Variants in PYM1 observed in about 807,000 individuals in gnomAD.
The protein encoded by PYM1 is PYM1 exon junction complex associated factor.
A neutral mutation model predicts 20.7 loss-of-function variants in PYM1; 7 were observed. The ratio of observed to expected loss-of-function variants is 0.34; its 90% CI spans 0.19 to 0.64. The LOEUF is 0.64. Ranked by LOEUF, PYM1 falls within the 30% of genes least tolerant of loss-of-function variation. The probability of loss-of-function intolerance (pLI) is 0.74; values close to 1 mark genes in which losing one functional copy is unlikely to be tolerated. For synonymous variants in PYM1, 100 were observed against 99.2 expected (o/e 1.01, Z -0.05); for missense variants, 194 against 250.0 (o/e 0.78, Z 1.51).
intron 1 of PYM1, among the ~76,000 whole-genome samples, chr12:55,915,067 T>C (rs1882982606): frequency 6.6e-6 from 1 of 151,700 alleles, no homozygotes; most frequent in African/African-American, 2.4e-5. Flanking sequence ...TAGAAAAAAT[T>C]AGCCGGGCAT....
At chr12:55,911,341 A>C (rs1334928008) in intron 1 of PYM1, among the ~76,000 whole-genome samples, 1 of 151,666 alleles carries the variant, frequency 6.6e-6, no homozygotes, top group Non-Finnish European at 1.5e-5. Context: ...TGAACTCCTG[A>C]CCTCATGTGA....
chr12:55,923,061 C>T (rs1883127378), intron 1 of PYM1, among the ~76,000 whole-genome samples: 1 of 151,824 alleles, frequency 6.6e-6, no homozygotes, highest in Non-Finnish European at 1.5e-5. Flanking sequence ...CCCATCTCTA[C>T]TAAAAATACA....
At chr12:55,924,821 C>A (rs1466942146) in intron 1 of PYM1, among the ~76,000 whole-genome samples, 2 of 152,078 alleles carry the variant, frequency 1.3e-5, no homozygotes, top group African/African-American at 4.8e-5. Flanking sequence ...AGATGACAGG[C>A]CCACGCCACC....
intron 1 of PYM1, among the ~76,000 whole-genome samples, chr12:55,904,282 T>C (rs1438213573): frequency 3.3e-5 from 5 of 150,350 alleles, no homozygotes; most frequent in Admixed American, 3.3e-4. Context: ...AGGGTATTCG[T>C]TGATGCATGA....
chr12:55,903,088 T>A (rs1882725193), intron 2 of PYM1, among the ~76,000 whole-genome samples: 1 of 152,152 alleles, frequency 6.6e-6, no homozygotes, highest in African/African-American at 2.4e-5. Context: ...TGACCACCTT[T>A]CTCTCTTTAT....
intron 1 of PYM1, among the ~76,000 whole-genome samples, chr12:55,909,008 A>G (rs1289193675): frequency 6.6e-6 from 1 of 152,164 alleles, no homozygotes; most frequent in Non-Finnish European, 1.5e-5. Flanking sequence ...GGGAACAGAA[A>G]GTTGAGAGGT....
Position 55,902,290 on chromosome 12 carries a change from T to C in PYM1, c.197A>G (p.Glu66Gly). The change falls in exon 3 of 3, where the codon GAG (glutamate) becomes GGG (glycine). Residue 66 changes from glutamate (E) to glycine (G), a missense_variant. Glu to Gly is a moderately conservative substitution (Grantham distance 98). This residue lies in a region of PYM1 where 158 missense variants were observed against 179.0 expected (regional missense o/e 0.88). Coordinates refer to ENST00000408946, the MANE Select transcript of PYM1 (RefSeq NM_032345.3). ...GGATGGGGTGACAGGAGCAGTGGCC[T>C]CAGGGCTTAGCCCTGGGGGCAACTC... is the stretch of plus-strand genomic sequence containing the variant. ...KPELPPGLSP[E>G]ATAPVTPSRP... 1 of 1,614,200 alleles carries C rather than the reference T, an allele frequency of 6.2e-7. No homozygotes were observed. The highest frequency in any genetic ancestry group is 1.3e-5 in the African/African-American group (1 of 75,066).
chr12:55,920,775 T>C (rs1013656369), intron 1 of PYM1, among the ~76,000 whole-genome samples: 1 of 152,034 alleles, frequency 6.6e-6, no homozygotes. Context: ...GAAAGTAAGA[T>C]AGGGTGCATG....
intron 1 of PYM1, among the ~76,000 whole-genome samples, chr12:55,921,513 A>T (rs1883097064): frequency 6.6e-6 from 1 of 152,128 alleles, no homozygotes; most frequent in South Asian, 2.1e-4. Context: ...TCATAAAAAA[A>T]TAAAACTCCC....
intron 1 of PYM1, among the ~76,000 whole-genome samples, chr12:55,916,806 A>G (rs1204895665): frequency 6.6e-6 from 1 of 152,048 alleles, no homozygotes; most frequent in Non-Finnish European, 1.5e-5. Context: ...GTCTCAAAAA[A>G]AGAAAAAAAG....
At chr12:55,916,585 G>T (rs1319721302) in intron 1 of PYM1, among the ~76,000 whole-genome samples, 1 of 151,868 alleles carries the variant, frequency 6.6e-6, no homozygotes, top group Non-Finnish European at 1.5e-5. Context: ...ATCACCTGAG[G>T]TCAGGAGTTC....
chr12:55,923,115 C>G (rs1484225678), intron 1 of PYM1, among the ~76,000 whole-genome samples: 2 of 151,634 alleles, frequency 1.3e-5, no homozygotes, highest in African/African-American at 4.8e-5. Flanking sequence ...TCCCAGCTAC[C>G]CAGGAGGCTG....
chr12:55,918,072 G>A (rs1055717381), intron 1 of PYM1, among the ~76,000 whole-genome samples: 2 of 151,248 alleles, frequency 1.3e-5, no homozygotes, highest in Non-Finnish European at 2.9e-5. Flanking sequence ...TTATACCCAT[G>A]TAACAAACCT....
chr12:55,902,389 G>T (rs778826730), intron 2 of PYM1, 34 bp from the exon 3 acceptor site: 1 of 1,570,742 alleles, frequency 6.4e-7, no homozygotes, highest in East Asian at 2.3e-5. Context: ...GAGTTTCAGA[G>T]AATTACTGAC....
At chr12:55,909,843 G>A (rs559726815) in intron 1 of PYM1, among the ~76,000 whole-genome samples, 8 of 151,992 alleles carry the variant, frequency 5.3e-5, no homozygotes, top group Non-Finnish European at 1.0e-4. Flanking sequence ...AGTTACTATC[G>A]GAAAAAATAA....
rs189203901 is a variant in PYM1, at chr12:55,912,920, C to T, written c.38-9440G>A. Among the ~76,000 whole-genome samples, 360 of 149,084 alleles carry T rather than the reference C, an allele frequency of 2.4e-3. 3 individuals carry two copies. Among genetic ancestry groups the T allele is most frequent in the South Asian group, 0.014 (64 of 4,670 alleles). On this transcript the variant is annotated intron_variant, in intron 1 of 2. Transcript: ENST00000408946. ...CGGAGGTTGCAGTGAGCCAAGATCACGCCATTGCACTCCAGCCTGGGCAAC... is the reference window on the plus strand; with the variant it reads ...CGGAGGTTGCAGTGAGCCAAGATCATGCCATTGCACTCCAGCCTGGGCAAC...
At chr12:55,911,609 G>A (rs1222153823) in intron 1 of PYM1, among the ~76,000 whole-genome samples, 2 of 152,106 alleles carry the variant, frequency 1.3e-5, no homozygotes, top group Non-Finnish European at 2.9e-5. Flanking sequence ...GGGAGGCCAA[G>A]GTGGGTGGAT....
chr12:55,923,035 G>A (rs967812606), intron 1 of PYM1, among the ~76,000 whole-genome samples: 1 of 152,108 alleles, frequency 6.6e-6, no homozygotes, highest in Non-Finnish European at 1.5e-5. Flanking sequence ...AGACCAACCT[G>A]ACCAACATGG....
intron 1 of PYM1, among the ~76,000 whole-genome samples, chr12:55,906,811 G>A (rs536054576): frequency 2.5e-4 from 38 of 151,970 alleles, no homozygotes; most frequent in Admixed American, 1.1e-3. Flanking sequence ...ACAATACCTG[G>A]CTAATTTTGT....
Sources: gnomAD v4.1 joint callset for allele counts (sites outside exome capture counted in the v4.1 genomes callset) on GRCh38, gnomAD v4.1.1 for gene constraint, gnomAD v4.1.1 regional missense constraint, MANE v1.5 for transcripts, NCBI Gene and HGNC (gene_info 2026-07-23, HGNC 2026-07-21) for gene names.